The following SMYD3 variants were observed in gnomAD, a reference collection of about 807,000 sequenced individuals.
SMYD3 encodes histone-lysine N-methyltransferase SMYD3.
Under a neutral mutation model 57.7 loss-of-function variants are expected in SMYD3, and 36 were observed. That is an observed-to-expected ratio of 0.62 (90% CI 0.48 to 0.82). SMYD3 has a LOEUF of 0.82. SMYD3 is among the 40% of genes least tolerant of loss of function. SMYD3 has a pLI of 0.00. For synonymous variants in SMYD3, 211 were observed against 195.0 expected, an observed-to-expected ratio of 1.08 and a Z score of -0.68; for missense variants, 515 against 538.8, an observed-to-expected ratio of 0.96 and a Z score of 0.44.
chr1:246,026,719 C>T (rs1273777835), intron 5 of SMYD3, among the ~76,000 whole-genome samples: 22 of 152,122 alleles, frequency 1.4e-4, no homozygotes. Flanking sequence ...TGTCTCTCTC[C>T]CTCTCCTCAG....
rs75776369 is a variant in SMYD3, at chr1:245,900,457, A to G, written c.813+15073T>C. Among the ~76,000 whole-genome samples, 553 of 152,290 alleles carry G rather than the reference A, an allele frequency of 3.6e-3. 1 individual carries two copies. Among genetic ancestry groups the G allele is most frequent in the African/African-American group, 0.013 (533 of 41,552 alleles). ...TTAGATACACTGACTGGGGTTTGGA[A>G]GCATCAGTCATCTTCAGACTGTAAG... On this transcript the variant is annotated intron_variant, in intron 8 of 11. Transcript: ENST00000490107.
chr1:246,275,050 T>C (rs1333992822), intron 5 of SMYD3, among the ~76,000 whole-genome samples: 1 of 152,170 alleles, frequency 6.6e-6, no homozygotes, highest in Non-Finnish European at 1.5e-5. Flanking sequence ...TTAAAAATTA[T>C]ATATAAAGAC....
intron 5 of SMYD3, among the ~76,000 whole-genome samples, chr1:246,157,396 A>G (rs894112923): frequency 2.0e-5 from 3 of 152,178 alleles, no homozygotes; most frequent in South Asian, 2.1e-4. Flanking sequence ...AAACAGCAGC[A>G]ATTCTGTTTC....
rs79686844 is a variant in SMYD3 at position 246,177,386 on chromosome 1, A to G, written c.531+149815T>C. 1.6e-3 allele frequency among the ~76,000 whole-genome samples: 246 copies of G among 152,338 alleles called. 1 individual carries two copies. The highest frequency in any genetic ancestry group is 5.5e-3 in the African/African-American group (228 of 41,580). Reference sequence around the variant, plus strand: ...TTATTATTTAAGCCAGAGTTGCACCAAGTTACCCCTTCAATTGTCTAAATA... The same window carrying G: ...TTATTATTTAAGCCAGAGTTGCACCGAGTTACCCCTTCAATTGTCTAAATA... On this transcript the variant is annotated intron_variant, in intron 5 of 11. Coordinates refer to ENST00000490107, the MANE Select transcript of SMYD3 (RefSeq NM_001167740.2).
chr1:245,803,059 A>G (rs2047950815), intron 10 of SMYD3, among the ~76,000 whole-genome samples: 1 of 152,240 alleles, frequency 6.6e-6, no homozygotes, highest in Admixed American at 6.5e-5. Flanking sequence ...CAGGGCTGGC[A>G]GAGAAGCTCT....
At chr1:246,255,003 T>C (rs2063858394) in intron 5 of SMYD3, among the ~76,000 whole-genome samples, 1 of 152,220 alleles carries the variant, frequency 6.6e-6, no homozygotes, top group East Asian at 1.9e-4. Flanking sequence ...ACTGAAGTCA[T>C]TGATCAGTTT....
chr1:246,041,834 G>A (rs2059881501), intron 5 of SMYD3, among the ~76,000 whole-genome samples: 1 of 151,772 alleles, frequency 6.6e-6, no homozygotes, highest in African/African-American at 2.4e-5. Context: ...AAAAAAGGGT[G>A]ACTAAATACA....
chr1:246,103,284 T>C (rs1341480994), intron 5 of SMYD3, among the ~76,000 whole-genome samples: 2 of 152,186 alleles, frequency 1.3e-5, no homozygotes, highest in Non-Finnish European at 2.9e-5. Flanking sequence ...TTTTATTTCT[T>C]ATACTCTCAT....
At chr1:246,115,799 T>C (rs2061332428) in intron 5 of SMYD3, among the ~76,000 whole-genome samples, 1 of 152,182 alleles carries the variant, frequency 6.6e-6, no homozygotes, top group South Asian at 2.1e-4. Flanking sequence ...TGACTAGCAC[T>C]GGAAAGAGAT....
chr1:246,133,483 T>C (rs757635066), intron 5 of SMYD3, among the ~76,000 whole-genome samples: 1 of 152,138 alleles, frequency 6.6e-6, no homozygotes, highest in Admixed American at 6.6e-5. Context: ...TATTATCTAA[T>C]GATAGTATCT....
intron 1 of SMYD3, among the ~76,000 whole-genome samples, chr1:246,427,874 CAGA>C (rs949583878): frequency 6.6e-6 from 1 of 151,982 alleles, no homozygotes; most frequent in Non-Finnish European, 1.5e-5. Flanking sequence ...AAAAGTAAAG[CAGA>C]AGAAGAATTT....
chr1:245,791,171 T>C (rs1311092907), intron 10 of SMYD3, among the ~76,000 whole-genome samples: 1 of 152,158 alleles, frequency 6.6e-6, no homozygotes, highest in Non-Finnish European at 1.5e-5. Flanking sequence ...AGTGATTTCA[T>C]CAAGCTGGCC....
chr1:246,386,331 C>T (rs2066480154), intron 1 of SMYD3, among the ~76,000 whole-genome samples: 1 of 152,080 alleles, frequency 6.6e-6, no homozygotes, highest in East Asian at 1.9e-4. Flanking sequence ...AATGAACTTG[C>T]TATAGAGATT....
At chr1:246,273,510 C>T (rs1347086759) in intron 5 of SMYD3, among the ~76,000 whole-genome samples, 2 of 150,296 alleles carry the variant, frequency 1.3e-5, no homozygotes, top group African/African-American at 4.9e-5. Flanking sequence ...TTTCTTAGTC[C>T]ATCTATCTAC....
chr1:245,807,051 A>AG (rs2048215914), intron 10 of SMYD3, among the ~76,000 whole-genome samples: 1 of 151,570 alleles, frequency 6.6e-6, no homozygotes, highest in Admixed American at 6.6e-5. Context: ...ACCAGTCAAG[A>AG]GTGGGGTGTG....
intron 5 of SMYD3, among the ~76,000 whole-genome samples, chr1:246,127,908 A>C (rs574841711): frequency 6.6e-6 from 1 of 151,984 alleles, no homozygotes; most frequent in Non-Finnish European, 1.5e-5. Context: ...AAAGAAAAGA[A>C]AAGAAAAGAA....
chr1:246,298,519 C>G (rs1409036739), intron 5 of SMYD3, among the ~76,000 whole-genome samples: 1 of 152,042 alleles, frequency 6.6e-6, no homozygotes, highest in Non-Finnish European at 1.5e-5. Flanking sequence ...CATTTGTTCC[C>G]AAGTATCCCT....
chr1:246,064,877 A>G (rs1301368097), intron 5 of SMYD3, among the ~76,000 whole-genome samples: 2 of 152,234 alleles, frequency 1.3e-5, no homozygotes, highest in African/African-American at 4.8e-5. Flanking sequence ...ACAGCCAAAT[A>G]TGTGGTGGTC....
At chr1:246,117,064 G>C (rs571999545) in intron 5 of SMYD3, among the ~76,000 whole-genome samples, 2 of 152,202 alleles carry the variant, frequency 1.3e-5, no homozygotes, top group East Asian at 3.9e-4. Context: ...TAAACACATA[G>C]AATGTCTACT....
Sources: allele counts gnomAD v4.1 joint callset (sites outside exome capture counted in the v4.1 genomes callset), GRCh38; gene constraint gnomAD v4.1.1; transcripts MANE v1.5; gene names NCBI Gene and HGNC (gene_info 2026-07-23, HGNC 2026-07-21).